FBXW4: variants seen among roughly 807,000 people sequenced by gnomAD.
FBXW4 encodes F-box and WD repeat domain containing 4.
In FBXW4, 40 loss-of-function variants were observed where a neutral mutation model predicts 61.8. That is an observed-to-expected ratio of 0.65 (90% CI 0.50 to 0.84). The LOEUF (loss-of-function observed/expected upper bound fraction) is 0.84, where lower values mean the gene tolerates loss of function less well. FBXW4 is among the 40% of genes least tolerant of loss of function. The probability of loss-of-function intolerance (pLI) is 0.00; values close to 1 mark genes in which losing one functional copy is unlikely to be tolerated. For missense variants in FBXW4, 672 were observed against 753.8 expected (o/e 0.89, Z 1.27); for synonymous variants, 311 against 313.8 (o/e 0.99, Z 0.10).
chr10:101,674,195 GGT>G (rs2064385950), intron 2 of FBXW4, among the ~76,000 whole-genome samples: 1 of 152,052 alleles, frequency 6.6e-6, no homozygotes, highest in Non-Finnish European at 1.5e-5. Flanking sequence ...CAGGCATAGT[GGT>G]ACACGCCGGT....
At chr10:101,623,928 T>C (rs1287617615) in intron 6 of FBXW4, among the ~76,000 whole-genome samples, 1 of 151,918 alleles carries the variant, frequency 6.6e-6, no homozygotes, top group Non-Finnish European at 1.5e-5. Context: ...TCAGGGACAA[T>C]GGGAAGAGGA....
intron 5 of FBXW4, among the ~76,000 whole-genome samples, chr10:101,627,750 T>G (rs1371172205): frequency 7.2e-5 from 11 of 152,220 alleles, no homozygotes; most frequent in Admixed American, 6.5e-4. Context: ...TTATTCCCAT[T>G]GTGCAGAAAG....
intron 6 of FBXW4, among the ~76,000 whole-genome samples, chr10:101,617,900 G>C (rs1216402388): frequency 6.6e-6 from 1 of 152,144 alleles, no homozygotes; most frequent in African/African-American, 2.4e-5. Flanking sequence ...AGAAAAAAGA[G>C]AATGAAAAAA....
chr10:101,654,906 C>T (rs930289207), intron 5 of FBXW4, among the ~76,000 whole-genome samples: 1 of 152,242 alleles, frequency 6.6e-6, no homozygotes, highest in East Asian at 1.9e-4. Flanking sequence ...TGACTGCAGC[C>T]TCAATCTCCT....
intron 1 of FBXW4, among the ~76,000 whole-genome samples, chr10:101,682,231 T>C (rs2134910577): frequency 6.6e-6 from 1 of 152,340 alleles, no homozygotes; most frequent in East Asian, 1.9e-4. Context: ...ACATTTGTTA[T>C]TTTTCAGGCT....
chr10:101,682,165 G>A (rs561929953), intron 1 of FBXW4, among the ~76,000 whole-genome samples: 20 of 152,186 alleles, frequency 1.3e-4, no homozygotes, highest in Middle Eastern at 3.4e-3. Context: ...ATAATCATTC[G>A]TTTTTCTTCT....
chr10:101,657,639 CAAAAAAAAAA>C (rs35721394), intron 5 of FBXW4, among the ~76,000 whole-genome samples: 2 of 56,136 alleles, frequency 3.6e-5, no homozygotes, highest in Admixed American at 2.6e-4. Flanking sequence ...GACTCTGTCT[CAAAAAAAAAA>C]AAAAAAAAAA....
intron 5 of FBXW4, among the ~76,000 whole-genome samples, chr10:101,657,371 G>T (rs144478868): frequency 6.6e-6 from 1 of 152,244 alleles, no homozygotes; most frequent in African/African-American, 2.4e-5. Context: ...GGTGGCTCAT[G>T]CCTGTAATCC....
chr10:101,670,999 A>G (rs1310557053), intron 4 of FBXW4, among the ~76,000 whole-genome samples: 1 of 152,250 alleles, frequency 6.6e-6, no homozygotes, highest in African/African-American at 2.4e-5. Flanking sequence ...ACTCCCCAAA[A>G]ATAGATGGTT....
chr10:101,619,043 G>T (rs2063847492), intron 6 of FBXW4, among the ~76,000 whole-genome samples: 1 of 152,212 alleles, frequency 6.6e-6, no homozygotes, highest in African/African-American at 2.4e-5. Flanking sequence ...AGCCAAGGAA[G>T]GGTCCTGCTC....
intron 5 of FBXW4, among the ~76,000 whole-genome samples, chr10:101,639,254 G>A (rs1480801412): frequency 6.6e-6 from 1 of 152,294 alleles, no homozygotes; most frequent in African/African-American, 2.4e-5. Context: ...TCTGCAACCA[G>A]GTTCTTTCTC....
At chr10:101,646,652 C>T (rs1350212274) in intron 5 of FBXW4, among the ~76,000 whole-genome samples, 1 of 152,214 alleles carries the variant, frequency 6.6e-6, no homozygotes, top group African/African-American at 2.4e-5. Flanking sequence ...CACCAGCTTC[C>T]TTCTTCCCTG....
chr10:101,687,176 G>A (rs2064542396), intron 1 of FBXW4, among the ~76,000 whole-genome samples: 1 of 151,942 alleles, frequency 6.6e-6, no homozygotes, highest in Non-Finnish European at 1.5e-5. Flanking sequence ...CCCATCACCT[G>A]CCACCCCATC....
chr10:101,656,455 C>T (rs1415501353), intron 5 of FBXW4, among the ~76,000 whole-genome samples: 1 of 152,236 alleles, frequency 6.6e-6, no homozygotes, highest in East Asian at 1.9e-4. Flanking sequence ...AGAGAGAACA[C>T]ATAAATGAGC....
At chr10:101,660,335 G>A (rs2064230443) in intron 5 of FBXW4, 1 of 631,550 alleles carries the variant, frequency 1.6e-6, no homozygotes, top group Non-Finnish European at 2.0e-6. Flanking sequence ...GTTGGGAGGG[G>A]GGGTGGGTGC....
At chr10:101,615,169 G>A (rs549287625) in intron 6 of FBXW4, among the ~76,000 whole-genome samples, 1 of 152,244 alleles carries the variant, frequency 6.6e-6, no homozygotes, top group African/African-American at 2.4e-5. Context: ...ATGCTTCTCG[G>A]CCTCTCACTG....
intron 5 of FBXW4, among the ~76,000 whole-genome samples, chr10:101,630,940 A>G (rs1028881766): frequency 1.3e-5 from 2 of 152,228 alleles, no homozygotes; most frequent in Non-Finnish European, 1.5e-5. Flanking sequence ...CACATCTGTG[A>G]TGAGTGGACA....
intron 1 of FBXW4, among the ~76,000 whole-genome samples, chr10:101,690,748 C>T (rs188284559): frequency 5.9e-5 from 9 of 152,274 alleles, no homozygotes; most frequent in African/African-American, 2.2e-4. Flanking sequence ...CTCTTCGTCC[C>T]GGAGTGCAGG....
At chr10:101,631,878 T>C (rs1316695374) in intron 5 of FBXW4, among the ~76,000 whole-genome samples, 3 of 152,190 alleles carry the variant, frequency 2.0e-5, no homozygotes, top group Non-Finnish European at 4.4e-5. Flanking sequence ...CCACCCACCT[T>C]GGCCTCCCAA....
Sources: gnomAD v4.1 joint callset for allele counts (sites outside exome capture counted in the v4.1 genomes callset) on GRCh38, gnomAD v4.1.1 for gene constraint, MANE v1.5 for transcripts, NCBI Gene and HGNC (gene_info 2026-07-23, HGNC 2026-07-21) for gene names.